The following PACRG variants were observed in gnomAD, a reference collection of about 807,000 sequenced individuals.
PACRG encodes parkin coregulated gene protein.
In PACRG, 29 loss-of-function variants were observed where a neutral mutation model predicts 29.7. That is an observed-to-expected ratio of 0.98 (90% CI 0.73 to 1.33). PACRG has a LOEUF of 1.33. PACRG is among the 40% of genes most tolerant of loss of function. PACRG has a pLI of 0.00. For synonymous variants in PACRG, 116 were observed against 118.7 expected, an observed-to-expected ratio of 0.98 and a Z score of 0.15; for missense variants, 279 against 316.2, an observed-to-expected ratio of 0.88 and a Z score of 0.89.
intron 4 of PACRG, among the ~76,000 whole-genome samples, chr6:163,097,809 T>C (rs565140067): frequency 6.6e-6 from 1 of 152,120 alleles, no homozygotes; most frequent in Non-Finnish European, 1.5e-5. Context: ...TTTCTTATTA[T>C]GTAGATGAAG....
chr6:163,212,968 T>C (rs909285156), intron 4 of PACRG, among the ~76,000 whole-genome samples: 2 of 152,068 alleles, frequency 1.3e-5, no homozygotes, highest in African/African-American at 2.4e-5. Flanking sequence ...TTATTAGACA[T>C]GGGGTTTCAC....
chr6:162,741,699 G>T (rs939141885), intron 1 of PACRG, among the ~76,000 whole-genome samples: 27 of 152,168 alleles, frequency 1.8e-4, no homozygotes, highest in Non-Finnish European at 4.4e-5. Context: ...TAAGAGATGG[G>T]ATTGCTGTGT....
At chr6:163,101,664 G>A (rs1412253475) in intron 4 of PACRG, among the ~76,000 whole-genome samples, 2 of 151,982 alleles carry the variant, frequency 1.3e-5, no homozygotes, top group African/African-American at 2.4e-5. Context: ...TGTGATGTCG[G>A]GCCTGTAAAA....
intron 4 of PACRG, chr6:163,191,626 A>G (rs1244856549): frequency 4.4e-6 from 2 of 456,188 alleles, no homozygotes; most frequent in South Asian, 1.5e-5. Context: ...TGACTCAGGC[A>G]CTGTGGCTGC....
chr6:163,015,771 A>G (rs1440786652), intron 2 of PACRG, among the ~76,000 whole-genome samples: 1 of 152,186 alleles, frequency 6.6e-6, no homozygotes. Context: ...CTTTCAAGGT[A>G]TAGAAAACCA....
chr6:162,828,576 C>G (rs927747313), intron 2 of PACRG, among the ~76,000 whole-genome samples: 1 of 151,988 alleles, frequency 6.6e-6, no homozygotes, highest in Non-Finnish European at 1.5e-5. Context: ...AACAACCAAA[C>G]AAATAAATAT....
intron 1 of PACRG, among the ~76,000 whole-genome samples, chr6:162,743,643 A>G (rs772160332): frequency 2.6e-5 from 4 of 151,776 alleles, no homozygotes; most frequent in Admixed American, 2.6e-4. Context: ...TTTGCTTTCC[A>G]TTATTAAACT....
Position 163,126,485 on chromosome 6 carries a change from A to G in PACRG, c.613+37077A>G, listed in dbSNP as rs140305797. On this transcript the variant is annotated intron_variant, in intron 4 of 4. Transcript: ENST00000366888. The stretch of plus-strand genomic sequence containing the variant: ...GATTGTCTTTGGTATTTATGAGGGC[A>G]TTTACAAAAGGAACAGAGCAAATGC... Among the ~76,000 whole-genome samples, 317 of 152,308 alleles carry G rather than the reference A, an allele frequency of 2.1e-3. 6 individuals carry two copies. Among genetic ancestry groups the G allele is most frequent in the Middle Eastern group, 0.01 (3 of 294 alleles).
At chr6:162,904,430 A>G (rs1795789390) in intron 2 of PACRG, among the ~76,000 whole-genome samples, 1 of 152,146 alleles carries the variant, frequency 6.6e-6, no homozygotes, top group Non-Finnish European at 1.5e-5. Flanking sequence ...CTGCTAGAGA[A>G]TGCAGCTGAC....
At position 163,011,170 on chromosome 6, in the gene PACRG, C is replaced by G. The variant is rs1805578621; in HGVS notation, c.292-50980C>G. On this transcript the variant is annotated intron_variant, in intron 2 of 4. Coordinates refer to ENST00000366888, the MANE Select transcript of PACRG (RefSeq NM_001080379.2). ...TGGAAGATTTATCAGGAGTGGAGAC[C>G]TTCCTCCTGCTGCAGTCATGCGACA... Among the ~76,000 whole-genome samples the G allele has an allele frequency of 3.9e-5, 6 of 152,154 alleles. No homozygotes were observed. The South Asian group carries it at 1.2e-3, about 31-fold the overall frequency.
At chr6:162,966,361 C>T (rs1490383437) in intron 2 of PACRG, among the ~76,000 whole-genome samples, 1 of 152,144 alleles carries the variant, frequency 6.6e-6, no homozygotes, top group African/African-American at 2.4e-5. Flanking sequence ...GTCATCATCC[C>T]CAGGGGTCTG....
intron 2 of PACRG, among the ~76,000 whole-genome samples, chr6:163,006,209 CATAT>C (rs3058703): frequency 7.3e-6 from 1 of 137,170 alleles, no homozygotes; most frequent in South Asian, 2.2e-4. Context: ...ATATATATCC[CATAT>C]ATATATATAT....
intron 4 of PACRG, among the ~76,000 whole-genome samples, chr6:163,108,034 A>G (rs768744781): frequency 6.6e-6 from 1 of 152,232 alleles, no homozygotes. Flanking sequence ...TAGGTTTGAC[A>G]TAAGGGAGGT....
intron 4 of PACRG, chr6:163,245,103 T>C (rs1253161947): frequency 2.3e-6 from 1 of 443,368 alleles, no homozygotes; most frequent in African/African-American, 2.0e-5. Context: ...CAACAAATAA[T>C]ATGAATGTCA....
chr6:163,194,499 T>G (rs978232655), intron 4 of PACRG, among the ~76,000 whole-genome samples: 1 of 152,190 alleles, frequency 6.6e-6, no homozygotes, highest in African/African-American at 2.4e-5. Flanking sequence ...TGGTGGTGTC[T>G]GGCTCTGGGC....
chr6:162,845,428 T>G (rs1047219052), intron 2 of PACRG, among the ~76,000 whole-genome samples: 1 of 152,098 alleles, frequency 6.6e-6, no homozygotes, highest in Non-Finnish European at 1.5e-5. Flanking sequence ...TCATACCTTT[T>G]GGTAAAGTTT....
chr6:162,826,367 G>A (rs1410170770), intron 2 of PACRG, among the ~76,000 whole-genome samples: 2 of 152,044 alleles, frequency 1.3e-5, no homozygotes, highest in African/African-American at 2.4e-5. Flanking sequence ...TATATAGTAC[G>A]TGCATGTGTA....
chr6:163,249,576 G>A (rs1040915385), intron 4 of PACRG, among the ~76,000 whole-genome samples: 13 of 152,194 alleles, frequency 8.5e-5, no homozygotes, highest in African/African-American at 3.1e-4. Context: ...CTCGCCTCCT[G>A]TGCCTGCTTA....
At chr6:163,071,668 G>T (rs907188104) in intron 3 of PACRG, among the ~76,000 whole-genome samples, 2 of 133,582 alleles carry the variant, frequency 1.5e-5, no homozygotes, top group Admixed American at 1.5e-4. Flanking sequence ...ATTAGTAGGA[G>T]AAAAGAAATA....
Sources: gnomAD v4.1 joint callset for allele counts (sites outside exome capture counted in the v4.1 genomes callset) on GRCh38, gnomAD v4.1.1 for gene constraint, MANE v1.5 for transcripts, NCBI Gene and HGNC (gene_info 2026-07-23, HGNC 2026-07-21) for gene names.